The following SNX29 variants were observed in gnomAD, a reference collection of about 807,000 sequenced individuals.
SNX29 encodes the protein sorting nexin-29.
In SNX29, 78 loss-of-function variants were observed where a neutral mutation model predicts 102.1. The ratio of observed to expected loss-of-function variants is 0.76; its 90% CI spans 0.64 to 0.92. SNX29 has a LOEUF of 0.92. SNX29 is among the 40% of genes least tolerant of loss of function. The pLI is 0.00. For synonymous variants in SNX29, 580 were observed against 414.5 expected (o/e 1.40, Z -4.85); for missense variants, 1,280 against 1,061.7 (o/e 1.21, Z -2.86).
intron 13 of SNX29, chr16:12,135,866 C>T (rs145923416): frequency 3.0e-6 from 1 of 330,274 alleles, no homozygotes; most frequent in African/African-American, 2.2e-5. Context: ...TCTCAACAAT[C>T]AACCTGCCAG....
intron 15 of SNX29, among the ~76,000 whole-genome samples, chr16:12,278,720 A>G (rs2079335843): frequency 6.6e-6 from 1 of 152,376 alleles, no homozygotes; most frequent in South Asian, 2.1e-4. Context: ...GAAAACTATC[A>G]AATAGAATCA....
intron 18 of SNX29, among the ~76,000 whole-genome samples, chr16:12,462,128 C>G (rs928851800): frequency 1.3e-5 from 2 of 150,668 alleles, no homozygotes; most frequent in Non-Finnish European, 3.0e-5. Context: ...GCTGTGGCTT[C>G]GCTCTGGGTG....
At chr16:12,232,942 G>A (rs980916827) in intron 14 of SNX29, among the ~76,000 whole-genome samples, 4 of 152,212 alleles carry the variant, frequency 2.6e-5, no homozygotes, top group Non-Finnish European at 5.9e-5. Context: ...GGTCCACCCG[G>A]AACTTGTCCT....
At chr16:12,248,389 TCTGC>T (rs2078322623) in intron 14 of SNX29, among the ~76,000 whole-genome samples, 1 of 150,000 alleles carries the variant, frequency 6.7e-6, no homozygotes, top group Non-Finnish European at 1.5e-5. Context: ...CATCCAGATC[TCTGC>T]TTTTTTTTTT....
intron 18 of SNX29, among the ~76,000 whole-genome samples, chr16:12,473,327 G>T (rs1296885680): frequency 1.3e-5 from 2 of 152,140 alleles, no homozygotes; most frequent in African/African-American, 4.8e-5. Context: ...GACTAGCTTC[G>T]ATTAGATCCA....
intron 19 of SNX29, among the ~76,000 whole-genome samples, chr16:12,508,988 C>A (rs1308986091): frequency 6.6e-6 from 1 of 152,150 alleles, no homozygotes; most frequent in East Asian, 1.9e-4. Context: ...GTCCATAAGT[C>A]CCTCCGCTCA....
At chr16:12,457,913 C>G (rs995934666) in intron 18 of SNX29, among the ~76,000 whole-genome samples, 11 of 152,190 alleles carry the variant, frequency 7.2e-5, no homozygotes, top group African/African-American at 2.7e-4. Flanking sequence ...CTCGTGATGA[C>G]TAATACATCT....
Position 12,316,716 on chromosome 16 carries a change from C to T in SNX29, c.1782+38680C>T, listed in dbSNP as rs73506190. On this transcript the variant is annotated intron_variant, in intron 15 of 20. Transcript: ENST00000566228. ...GGGCTTGGTTAGGGCAGGCACACTT[C>T]CTTCTCTCCCATCCCTCCTTCCTGC... Among the ~76,000 whole-genome samples, 580 of 152,288 alleles carry T rather than the reference C, an allele frequency of 3.8e-3. 4 individuals are homozygous for T. Among genetic ancestry groups the T allele is most frequent in the African/African-American group, 0.013 (553 of 41,560 alleles).
chr16:12,258,484 C>T (rs775238562), intron 14 of SNX29, among the ~76,000 whole-genome samples: 2 of 152,174 alleles, frequency 1.3e-5, no homozygotes, highest in African/African-American at 2.4e-5. Flanking sequence ...GAGGCACCCT[C>T]TCCAGTGTAT....
At chr16:12,500,939 T>G (rs1025780368) in intron 19 of SNX29, among the ~76,000 whole-genome samples, 4 of 152,194 alleles carry the variant, frequency 2.6e-5, no homozygotes, top group African/African-American at 4.8e-5. Flanking sequence ...CTTGTCAGAT[T>G]GTCAGGCTCT....
intron 20 of SNX29, among the ~76,000 whole-genome samples, chr16:12,541,745 C>CCA (rs1567679077): frequency 6.6e-6 from 1 of 152,106 alleles, no homozygotes; most frequent in Non-Finnish European, 1.5e-5. Context: ...CCGTACTGTG[C>CCA]CAGCCAGTGC....
At chr16:12,562,523 G>A (rs961599267) in intron 20 of SNX29, among the ~76,000 whole-genome samples, 2 of 152,184 alleles carry the variant, frequency 1.3e-5, no homozygotes, top group Non-Finnish European at 1.5e-5. Flanking sequence ...ACACCTGCTG[G>A]TGAATGACAC....
At position 12,574,248 on chromosome 16, in the gene SNX29, G is replaced by A. The variant is rs1363795643; in HGVS notation, c.*5619G>A. Reference sequence around the variant, plus strand: ...TGGTTGAGATCAACCTCTTTACAATGACACAAATTGTGACATTTTATAAAT... The same window carrying A: ...TGGTTGAGATCAACCTCTTTACAATAACACAAATTGTGACATTTTATAAAT... On this transcript the variant is annotated 3_prime_UTR_variant, in exon 21 of 21. Transcript: ENST00000566228. 2.3e-5 allele frequency: 4 copies of A among 176,174 alleles called. No individual in the cohort carries two copies. In the East Asian group the frequency reaches 3.9e-4, roughly 17 times the overall value. The allele number at this position is 176,174 out of a possible 1,614,324, so 10.9% of individuals were successfully genotyped here.
At chr16:12,489,395 G>T (rs887705484) in intron 19 of SNX29, among the ~76,000 whole-genome samples, 1 of 151,922 alleles carries the variant, frequency 6.6e-6, no homozygotes, top group Non-Finnish European at 1.5e-5. Flanking sequence ...CCTTTCTCTC[G>T]TCCTTCTCTG....
chr16:12,257,565 A>G (rs955129317), intron 14 of SNX29, among the ~76,000 whole-genome samples: 2 of 152,032 alleles, frequency 1.3e-5, no homozygotes, highest in African/African-American at 2.4e-5. Context: ...CTGGAGTGCA[A>G]TGGCACATCT....
In SNX29 at chr16:12,096,708, C is replaced by T. The variant is rs556249785; in HGVS notation, c.1402+17793C>T. Among the ~76,000 whole-genome samples the T allele has an allele frequency of 5.9e-5, 9 of 152,270 alleles. No homozygotes were observed. The highest frequency in any genetic ancestry group is 4.1e-4 in the South Asian group (2 of 4,826). On this transcript the variant is annotated intron_variant, in intron 11 of 20. Transcript: ENST00000566228. This position sits in a 1 kb window ranked among gnomAD's most constrained non-coding sequence, Gnocchi z 4.2. ...TCTGTGGCACTGAACAACCGCCACT[C>T]GATCCACCCATGGGAACGAGTTCCC...
intron 18 of SNX29, among the ~76,000 whole-genome samples, chr16:12,449,237 A>G (rs1281035264): frequency 3.3e-5 from 5 of 151,954 alleles, no homozygotes; most frequent in Admixed American, 3.3e-4. Context: ...AGAATTGAGG[A>G]GAGGAGAAGA....
chr16:12,352,605 C>T (rs1567468514), intron 15 of SNX29, among the ~76,000 whole-genome samples: 1 of 152,204 alleles, frequency 6.6e-6, no homozygotes, highest in Non-Finnish European at 1.5e-5. Context: ...AGATGAAACC[C>T]AGATGATGAC....
chr16:12,165,137 C>G (rs1596400786), intron 13 of SNX29, among the ~76,000 whole-genome samples: 1 of 152,320 alleles, frequency 6.6e-6, no homozygotes, highest in East Asian at 1.9e-4. Flanking sequence ...ATACTGGCAT[C>G]TTATTAAGTG....
Sources: gnomAD v4.1 joint callset for allele counts (sites outside exome capture counted in the v4.1 genomes callset) on GRCh38, gnomAD v4.1.1 for gene constraint, Gnocchi (gnomAD v3.1) non-coding constraint, MANE v1.5 for transcripts, NCBI Gene and HGNC (gene_info 2026-07-23, HGNC 2026-07-21) for gene names.